LRRC8D: variants seen among roughly 807,000 people sequenced by gnomAD.
The protein encoded by LRRC8D is leucine rich repeat containing 8 VRAC subunit D, also known as volume-regulated anion channel subunit LRRC8D.
A neutral mutation model predicts 55.8 loss-of-function variants in LRRC8D; 20 were observed. The ratio of observed to expected loss-of-function variants is 0.36; its 90% CI spans 0.25 to 0.52. The LOEUF (loss-of-function observed/expected upper bound fraction) is 0.52. LRRC8D is among the 20% of genes least tolerant of loss of function. LRRC8D has a pLI of 0.93. For missense variants in LRRC8D, 651 were observed against 1,030.8 expected, an observed-to-expected ratio of 0.63 and a Z score of 5.05; for synonymous variants, 352 against 377.0, an observed-to-expected ratio of 0.93 and a Z score of 0.77.
intron 2 of LRRC8D, among the ~76,000 whole-genome samples, chr1:89,867,490 C>T (rs1661880990): frequency 6.6e-6 from 1 of 152,222 alleles, no homozygotes; most frequent in Admixed American, 6.5e-5. Flanking sequence ...AAACTATATA[C>T]TCCACATTTT....
At chr1:89,890,394 C>G (rs953607425) in intron 2 of LRRC8D, among the ~76,000 whole-genome samples, 57 of 152,302 alleles carry the variant, frequency 3.7e-4, no homozygotes, top group African/African-American at 1.3e-3. Context: ...ACTACATTTT[C>G]CTGGTTACAG....
At chr1:89,832,445 G>T (rs1468482356) in intron 1 of LRRC8D, among the ~76,000 whole-genome samples, 1 of 152,172 alleles carries the variant, frequency 6.6e-6, no homozygotes, top group Non-Finnish European at 1.5e-5. Context: ...TCTGAACTAT[G>T]TCTTTCTAGA....
intron 2 of LRRC8D, among the ~76,000 whole-genome samples, chr1:89,865,397 A>T (rs1250073741): frequency 6.7e-6 from 1 of 149,538 alleles, no homozygotes; most frequent in Non-Finnish European, 1.5e-5. Flanking sequence ...ACTATTAAAC[A>T]TTTTAAAATC....
At chr1:89,829,960 G>C (rs1660848510) in intron 1 of LRRC8D, among the ~76,000 whole-genome samples, 1 of 152,132 alleles carries the variant, frequency 6.6e-6, no homozygotes, top group Admixed American at 6.5e-5. Flanking sequence ...AACAAATCAT[G>C]TAAAGATATA....
At chr1:89,898,851 ATAGAG>A (rs1237916132) in intron 2 of LRRC8D, among the ~76,000 whole-genome samples, 7 of 152,216 alleles carry the variant, frequency 4.6e-5, no homozygotes, top group African/African-American at 1.7e-4. Context: ...AATCTCCCAG[ATAGAG>A]TAGAGGAATG....
chr1:89,829,921 G>T (rs1660848215), intron 1 of LRRC8D, among the ~76,000 whole-genome samples: 1 of 152,172 alleles, frequency 6.6e-6, no homozygotes, highest in Non-Finnish European at 1.5e-5. Context: ...CTCCTAGTTA[G>T]ATCTCAGCCA....
chr1:89,933,011 T>G lies in LRRC8D; in HGVS notation c.-2-56T>G, dbSNP rs1452797129. 6.6e-7 allele frequency: 1 copy of G among 1,511,382 alleles called. No homozygotes were observed. The highest frequency in any genetic ancestry group is 1.4e-5 in the African/African-American group (1 of 72,210). 93.6% of individuals were successfully genotyped at this position (1,511,382 alleles called of 1,614,324 possible). Reference sequence around the variant, plus strand: ...AGGAGCAGGCATAGGGTTTTTCTCATTTACTCTTTTCATTTGCATCTCTAG... The same window carrying G: ...AGGAGCAGGCATAGGGTTTTTCTCAGTTACTCTTTTCATTTGCATCTCTAG... On this transcript the variant is annotated intron_variant, in intron 2 of 2. Coordinates refer to ENST00000337338, the MANE Select transcript of LRRC8D (RefSeq NM_001134479.2). This position sits in a 1 kb window ranked among gnomAD's most constrained non-coding sequence, Gnocchi z 7.0.
intron 2 of LRRC8D, among the ~76,000 whole-genome samples, chr1:89,905,850 C>T (rs945785348): frequency 2.6e-5 from 4 of 152,068 alleles, no homozygotes; most frequent in Non-Finnish European, 4.4e-5. Context: ...AAGGAAGGCC[C>T]GGTGTATTGT....
At chr1:89,860,539 C>G (rs779882354) in intron 2 of LRRC8D, among the ~76,000 whole-genome samples, 2 of 151,482 alleles carry the variant, frequency 1.3e-5, no homozygotes, top group African/African-American at 2.4e-5. Flanking sequence ...GCGGGCAGAT[C>G]ATGAGGTCAA....
chr1:89,884,316 C>A (rs1557466885), intron 2 of LRRC8D, among the ~76,000 whole-genome samples: 1 of 152,180 alleles, frequency 6.6e-6, no homozygotes, highest in Admixed American at 6.5e-5. Context: ...CTTTCTATTT[C>A]CTGACATTAG....
intron 2 of LRRC8D, among the ~76,000 whole-genome samples, chr1:89,894,328 A>T (rs552939481): frequency 6.6e-6 from 1 of 152,206 alleles, no homozygotes; most frequent in Non-Finnish European, 1.5e-5. Context: ...AGACAGCCCC[A>T]TATTACTCAC....
chr1:89,876,168 T>C (rs540144912), intron 2 of LRRC8D, among the ~76,000 whole-genome samples: 4 of 152,284 alleles, frequency 2.6e-5, no homozygotes, highest in South Asian at 4.1e-4. Context: ...ACCTGGACTT[T>C]CCTGGGGCTG....
chr1:89,888,690 A>AT (rs1402142231), intron 2 of LRRC8D, among the ~76,000 whole-genome samples: 2 of 152,220 alleles, frequency 1.3e-5, no homozygotes, highest in Non-Finnish European at 2.9e-5. Context: ...AATGTGCAAG[A>AT]TGAACTTGGA....
At chr1:89,879,490 G>T (rs548300661) in intron 2 of LRRC8D, among the ~76,000 whole-genome samples, 145 of 152,252 alleles carry the variant, frequency 9.5e-4, no homozygotes, top group African/African-American at 3.3e-3. Flanking sequence ...TAGGAAGCTG[G>T]TGAGATGGTT....
chr1:89,864,821 A>T (rs1184437295), intron 2 of LRRC8D, among the ~76,000 whole-genome samples: 1 of 152,146 alleles, frequency 6.6e-6, no homozygotes, highest in Non-Finnish European at 1.5e-5. Flanking sequence ...CATCTTCCAG[A>T]CACAAAAAAC....
chr1:89,933,411 T>C lies in LRRC8D; in HGVS notation c.343T>C (p.Tyr115His), dbSNP rs750770209. The C allele has an allele frequency of 6.2e-7, 1 of 1,614,128 alleles. No individual in the cohort carries two copies. The change falls in exon 3 of 3, where the codon TAT becomes CAT. Residue 115 changes from tyrosine to histidine, a missense_variant. This residue lies in a region of LRRC8D where 118 missense variants were observed against 138.0 expected (regional missense o/e 0.85). Transcript: ENST00000337338. The surrounding 1 kb of genome is among the most constrained non-coding windows in gnomAD (Gnocchi z 7.0). The part of the protein sequence containing the change: ...VTPDIPLRAT[Y>H]PRTDFALPNQ... Reference sequence around the variant, plus strand: ...ACCTGACATACCTCTCAGAGCCACATATCCTCGCACAGATTTCGCACTTCC... The same window carrying C: ...ACCTGACATACCTCTCAGAGCCACACATCCTCGCACAGATTTCGCACTTCC...
intron 2 of LRRC8D, among the ~76,000 whole-genome samples, chr1:89,926,567 A>C (rs998550343): frequency 1.3e-5 from 2 of 152,244 alleles, no homozygotes; most frequent in African/African-American, 4.8e-5. Context: ...ACCCTTAGCC[A>C]ATAACACAGG....
chr1:89,823,780 A>G (rs1660698776), intron 1 of LRRC8D, among the ~76,000 whole-genome samples: 1 of 152,218 alleles, frequency 6.6e-6, no homozygotes, highest in Non-Finnish European at 1.5e-5. Context: ...TGAGGATGCC[A>G]GCAGAAGCAG....
chr1:89,935,674 C>T lies in LRRC8D; in HGVS notation c.*29C>T, dbSNP rs200967020. 1.2e-5 allele frequency: 19 copies of T among 1,588,570 alleles called. No individual in the cohort carries two copies. In the Admixed American group the frequency reaches 2.2e-4, roughly 18 times the overall value. On this transcript the variant is annotated 3_prime_UTR_variant, in exon 3 of 3. Transcript: ENST00000337338. ...AAGATAATATATGCACAGTGATGTG[C>T]AGGAACAACTTCCTAGATTGCAAGT...
Sources: gnomAD v4.1 joint callset for allele counts (sites outside exome capture counted in the v4.1 genomes callset) on GRCh38, gnomAD v4.1.1 for gene constraint, gnomAD v4.1.1 regional missense constraint, Gnocchi (gnomAD v3.1) non-coding constraint, MANE v1.5 for transcripts, NCBI Gene and HGNC (gene_info 2026-07-23, HGNC 2026-07-21) for gene names.